The following CEP295 variants were observed in gnomAD, a reference collection of about 807,000 sequenced individuals.
CEP295 encodes centrosomal protein of 295 kDa.
CEP295 carries 190 observed loss-of-function variants against 291.6 expected under a neutral mutation model. The observed-to-expected ratio is 0.65, with a 90% CI of 0.58 to 0.73. The LOEUF is 0.73. Ranked by LOEUF, CEP295 falls within the 30% of genes least tolerant of loss-of-function variation. The pLI, the probability that CEP295 is intolerant of heterozygous loss-of-function variation, is 0.00. For synonymous variants in CEP295, 993 were observed against 1,038.8 expected (o/e 0.96, Z 0.85); for missense variants, 2,863 against 2,949.4 (o/e 0.97, Z 0.68).
intron 22 of CEP295, among the ~76,000 whole-genome samples, chr11:93,725,005 A>C (rs543547898): frequency 2.0e-5 from 3 of 152,114 alleles, no homozygotes; most frequent in South Asian, 2.1e-4. Context: ...CTGTAATCCC[A>C]GCACTTTGGG....
chr11:93,709,972 T>A (rs147642286), intron 18 of CEP295, among the ~76,000 whole-genome samples: 2,014 of 152,298 alleles, frequency 0.013, 51 homozygotes, highest in African/African-American at 0.046. Flanking sequence ...ATGCTACTGG[T>A]TTTTGTATGT....
chr11:93,725,056 A>G (rs569702847), intron 22 of CEP295, among the ~76,000 whole-genome samples: 1 of 152,152 alleles, frequency 6.6e-6, no homozygotes, highest in African/African-American at 2.4e-5. Context: ...GGAGTTTGAG[A>G]TCAGCCTGGC....
intron 23 of CEP295, chr11:93,726,721 G>T (rs1188479733): frequency 6.1e-6 from 2 of 325,856 alleles, no homozygotes; most frequent in Non-Finnish European, 1.1e-5. Flanking sequence ...TTCTTATAGA[G>T]GAAAACATCC....
At chr11:93,692,873 T>C (rs1951638879) in intron 12 of CEP295, among the ~76,000 whole-genome samples, 1 of 142,600 alleles carries the variant, frequency 7.0e-6, no homozygotes, top group South Asian at 2.2e-4. Flanking sequence ...CCCAGGATGC[T>C]AAGGTGGGAG....
Position 93,728,664 on chromosome 11 carries a change from T to C in CEP295, c.7162-17T>C, listed in dbSNP as rs1368040111. On this transcript the variant is annotated splice_polypyrimidine_tract_variant and intron_variant, in intron 24 of 29. Transcript: ENST00000325212. ...AGGCTATTTTGACATGGTTTTCCTT[T>C]TAATTGTGGTTCACAGGAAACAGAA... 2.6e-6 allele frequency: 4 copies of C among 1,517,016 alleles called. No homozygotes were observed. Among genetic ancestry groups the C allele is most frequent in the Non-Finnish European group, 3.5e-6 (4 of 1,136,516 alleles). 94.0% of individuals were successfully genotyped at this position (1,517,016 alleles called of 1,614,324 possible).
chr11:93,669,580 G>A (rs60603042), intron 4 of CEP295, 97 bp from the exon 5 acceptor site: 35 of 724,556 alleles, frequency 4.8e-5, no homozygotes, highest in Non-Finnish European at 7.7e-5. Flanking sequence ...AATCAGACTA[G>A]AGGATTTCTT....
chr11:93,691,204 A>G (rs1366945313), intron 10 of CEP295, among the ~76,000 whole-genome samples: 1 of 152,242 alleles, frequency 6.6e-6, no homozygotes, highest in Admixed American at 6.5e-5. Context: ...TAGGTACCAA[A>G]TGAATTAATG....
rs1017428134 is a variant in CEP295 at position 93,699,624 on chromosome 11, G to A, written c.4712G>A (p.Ser1571Asn). 6.4e-7 allele frequency: 1 copy of A among 1,551,734 alleles called. No individual in the cohort carries two copies. The highest frequency in any genetic ancestry group is 1.4e-5 in the African/African-American group (1 of 73,160). The change falls in exon 15 of 30, where the codon AGT becomes AAT. Residue 1571 changes from serine (S) to asparagine (N), a missense_variant. Coordinates refer to ENST00000325212, the MANE Select transcript of CEP295 (RefSeq NM_033395.2). ...ACCCAGAAGTCTTTCCCAACCAAAA[G>A]TAATGATACTCTTCCCTCAAGTCAT... ...ERTQKSFPTK[S>N]NDTLPSSHRE...
Position 93,725,928 on chromosome 11 carries a change from C to A in CEP295, c.6499+97C>A. The A allele has an allele frequency of 3.2e-6, 3 of 938,740 alleles. 1 individual carries two copies. Among genetic ancestry groups the A allele is most frequent in the South Asian group, 3.0e-5 (2 of 65,714 alleles). 58.2% of individuals were successfully genotyped at this position (938,740 alleles called of 1,614,324 possible). On this transcript the variant is annotated intron_variant, in intron 23 of 29. Transcript: ENST00000325212. ...CTAGCACCTCTTGGTTTGTCTTCAC[C>A]CCTGCTCTCACCCCTATCCTGGGTG...
In CEP295 at chr11:93,697,033, A is replaced by G. The variant is rs1189018461; in HGVS notation, c.2121A>G (p.Gln707=). 9.0e-6 allele frequency: 14 copies of G among 1,551,610 alleles called. No homozygotes were observed. The highest frequency in any genetic ancestry group is 1.2e-5 in the Non-Finnish European group (14 of 1,147,008). Residue 707 remains glutamine, a synonymous_variant, in exon 15 of 30, where the codon CAA becomes CAG. Transcript: ENST00000325212. ...TAACCAATCAAGCTTTAGAATCACA[A>G]GAACATCTAAGGCAATTCTCTCAGA... The part of the protein sequence containing the change: ...DILTNQALES[Q]EHLRQFSQTE...
rs960865227 is a variant in CEP295, at chr11:93,697,003, T to C, written c.2091T>C (p.Asp697=). 2 of 1,551,498 alleles carry C rather than the reference T, an allele frequency of 1.3e-6. No homozygotes were observed. The highest frequency in any genetic ancestry group is 2.7e-5 in the African/African-American group (2 of 73,060). ...VETTETLRAS[D]ILTNQALESQ... is the part of the protein sequence containing the mutation. Reference sequence around the variant, plus strand: ...CAACAGAAACATTACGCGCTTCAGATATTTTAACCAATCAAGCTTTAGAAT... The same window carrying C: ...CAACAGAAACATTACGCGCTTCAGACATTTTAACCAATCAAGCTTTAGAAT... The change falls in exon 15 of 30, where the codon GAT becomes GAC. Residue 697 remains aspartate (D), a synonymous_variant. Transcript: ENST00000325212.
At chr11:93,717,991 T>G (rs2135279965) in intron 18 of CEP295, among the ~76,000 whole-genome samples, 1 of 152,312 alleles carries the variant, frequency 6.6e-6, no homozygotes, top group East Asian at 1.9e-4. Flanking sequence ...AGCTCATTGC[T>G]GCCTTGACCT....
chr11:93,713,966 C>T (rs764853825), intron 18 of CEP295, among the ~76,000 whole-genome samples: 32 of 152,120 alleles, frequency 2.1e-4, no homozygotes, highest in Non-Finnish European at 3.7e-4. Flanking sequence ...TTCAGTATGT[C>T]GATTGCATTT....
chr11:93,671,229 G>A (rs554553395), intron 5 of CEP295, among the ~76,000 whole-genome samples: 1 of 152,208 alleles, frequency 6.6e-6, no homozygotes, highest in Admixed American at 6.5e-5. Flanking sequence ...TTTCCTCTCT[G>A]CCAGTTTTCA....
chr11:93,690,062 G>A (rs1163322086), intron 10 of CEP295, among the ~76,000 whole-genome samples: 1 of 152,110 alleles, frequency 6.6e-6, no homozygotes, highest in African/African-American at 2.4e-5. Flanking sequence ...GGGAGAATAT[G>A]GTGTTGAAGT....
chr11:93,684,678 C>A (rs1188485620), intron 9 of CEP295, among the ~76,000 whole-genome samples: 1 of 152,190 alleles, frequency 6.6e-6, no homozygotes, highest in East Asian at 1.9e-4. Flanking sequence ...ATTTAAACTG[C>A]ATGCTTTTTG....
intron 10 of CEP295, among the ~76,000 whole-genome samples, chr11:93,689,598 A>G (rs1278495207): frequency 6.6e-6 from 1 of 151,114 alleles, no homozygotes; most frequent in Non-Finnish European, 1.5e-5. Flanking sequence ...CACTTCTACC[A>G]CTCCCCACCT....
Position 93,699,349 on chromosome 11 carries a change from A to G in CEP295, c.4437A>G (p.Glu1479=). The change falls in exon 15 of 30, where the codon GAA becomes GAG. Residue 1479 remains glutamate, a synonymous_variant. Coordinates refer to ENST00000325212, the MANE Select transcript of CEP295 (RefSeq NM_033395.2). ...CTTCTATTGAGAAAACCCAGAAAGA[A>G]TTGGTTTTGTCAAAACCATGTAAAT... is the stretch of plus-strand genomic sequence containing the variant. ...FLPSIEKTQK[E]LVLSKPCKFE... The G allele has an allele frequency of 6.4e-7, 1 of 1,552,020 alleles. No homozygotes were observed. The highest frequency in any genetic ancestry group is 8.7e-7 in the Non-Finnish European group (1 of 1,147,022).
intron 22 of CEP295, among the ~76,000 whole-genome samples, chr11:93,725,354 G>A (rs1591164753): frequency 6.6e-6 from 1 of 152,102 alleles, no homozygotes; most frequent in African/African-American, 2.4e-5. Context: ...ACTTTTAGTT[G>A]TGGAACATAT....
Sources: gnomAD v4.1 joint callset for allele counts (sites outside exome capture counted in the v4.1 genomes callset) on GRCh38, gnomAD v4.1.1 for gene constraint, MANE v1.5 for transcripts, NCBI Gene and HGNC (gene_info 2026-07-23, HGNC 2026-07-21) for gene names.